CELSR1: variants seen among roughly 807,000 people sequenced by gnomAD.
CELSR1 encodes cadherin EGF LAG seven-pass G-type receptor 1.
In CELSR1, 110 loss-of-function variants were observed where a neutral mutation model predicts 249.1. That is an observed-to-expected ratio of 0.44 (90% CI 0.38 to 0.52). The LOEUF (loss-of-function observed/expected upper bound fraction) is 0.52. Ranked by LOEUF, CELSR1 falls within the 20% of genes least tolerant of loss-of-function variation. CELSR1 has a pLI of 0.00. For synonymous variants in CELSR1, 2,113 were observed against 1,900.0 expected (o/e 1.11, Z -2.92); for missense variants, 4,109 against 4,296.4 (o/e 0.96, Z 1.22).
In CELSR1 at chr22:46,490,266, GGA is replaced by G. The variant is rs1484258082; in HGVS notation, c.3545-25923_3545-25922del. ...AAAGAGGGATTCCCCAGGGTCACCT[GGA>G]GAGGTTTTATTTTTATTTTGTTTTA... On this transcript the variant is annotated intron_variant, in intron 1 of 34. Coordinates refer to ENST00000674500, the MANE Select transcript of CELSR1 (RefSeq NM_001378328.1). The surrounding 1 kb of genome is among the most constrained non-coding windows in gnomAD (Gnocchi z 5.2). Among the ~76,000 whole-genome samples, 1 of 152,104 alleles carries G rather than the reference GGA, an allele frequency of 6.6e-6. No homozygotes were observed. The highest frequency in any genetic ancestry group is 2.4e-5 in the African/African-American group (1 of 41,408).
At chr22:46,403,418 G>A (rs1488037952) in intron 9 of CELSR1, among the ~76,000 whole-genome samples, 11 of 150,978 alleles carry the variant, frequency 7.3e-5, no homozygotes, top group African/African-American at 2.0e-4. Flanking sequence ...ATAGCCAGGC[G>A]TGGTAGTGGG....
In CELSR1 at chr22:46,374,422, T is replaced by A. The variant is rs911306465; in HGVS notation, c.7585-1365A>T. On this transcript the variant is annotated intron_variant, in intron 24 of 34. Coordinates refer to ENST00000674500, the MANE Select transcript of CELSR1 (RefSeq NM_001378328.1). This position sits in a 1 kb window ranked among gnomAD's most constrained non-coding sequence, Gnocchi z 4.3. ...TAGAACAAAGACAAAAGCGGATGCA[T>A]AATAAATCATTTCAGCCTGCCAGCG... 9.2e-5 allele frequency among the ~76,000 whole-genome samples: 14 copies of A among 152,148 alleles called. No individual in the cohort carries two copies. Among genetic ancestry groups the A allele is most frequent in the Non-Finnish European group, 1.6e-4 (11 of 68,018 alleles).
At chr22:46,502,796 C>A (rs1436118489) in intron 1 of CELSR1, among the ~76,000 whole-genome samples, 1 of 152,146 alleles carries the variant, frequency 6.6e-6, no homozygotes, top group Admixed American at 6.5e-5. Context: ...TCTAACTGTT[C>A]CCCCTTAACA....
At chr22:46,523,701 C>T (rs575442457) in intron 1 of CELSR1, among the ~76,000 whole-genome samples, 28 of 152,274 alleles carry the variant, frequency 1.8e-4, no homozygotes, top group African/African-American at 2.4e-4. Context: ...TCAACAGGTG[C>T]GTCAGCCCCT....
In CELSR1 at chr22:46,396,510, C is replaced by A; in HGVS notation, c.5843+95G>T. 2 of 1,305,092 alleles carry A rather than the reference C, an allele frequency of 1.5e-6. No individual in the cohort carries two copies. The highest frequency in any genetic ancestry group is 2.0e-6 in the Non-Finnish European group (2 of 1,003,918). The allele number at this position is 1,305,092 out of a possible 1,614,324, so 80.8% of individuals were successfully genotyped here. A position where few individuals can be genotyped will look rare whatever the true frequency, so the allele number is the denominator to read the frequency against. ...CCCTGTTACCCAGAATCACACATAT[C>A]TTTGGGTCAAAATAAGAAAGAGAAG... On this transcript the variant is annotated intron_variant, in intron 13 of 34. Coordinates refer to ENST00000674500, the MANE Select transcript of CELSR1 (RefSeq NM_001378328.1). This position sits in a 1 kb window ranked among gnomAD's most constrained non-coding sequence, Gnocchi z 6.4.
Position 46,490,098 on chromosome 22 carries a change from C to T in CELSR1, c.3545-25753G>A, listed in dbSNP as rs1041578025. Among the ~76,000 whole-genome samples, 3 of 152,130 alleles carry T rather than the reference C, an allele frequency of 2.0e-5. No homozygotes were observed. The highest frequency in any genetic ancestry group is 2.9e-5 in the Non-Finnish European group (2 of 68,028). On this transcript the variant is annotated intron_variant, in intron 1 of 34. Coordinates refer to ENST00000674500, the MANE Select transcript of CELSR1 (RefSeq NM_001378328.1). The surrounding 1 kb of genome is among the most constrained non-coding windows in gnomAD (Gnocchi z 5.2). ...ACCCAGTGAGCCGCTTTCTGAGAAC[C>T]AACGTTCCCAAGTGCAAAGTGTACA...
At chr22:46,502,792 T>A (rs1210778284) in intron 1 of CELSR1, among the ~76,000 whole-genome samples, 3 of 152,286 alleles carry the variant, frequency 2.0e-5, no homozygotes, top group Middle Eastern at 3.4e-3. Flanking sequence ...TCTCTCTAAC[T>A]GTTCCCCCTT....
At position 46,439,293 on chromosome 22, in the gene CELSR1, C is replaced by T. The variant is rs138762199; in HGVS notation, c.4302G>A (p.Glu1434=). Residue 1434 remains glutamate, a synonymous_variant, in exon 3 of 35, where the codon GAG becomes GAA. Coordinates refer to ENST00000674500, the MANE Select transcript of CELSR1 (RefSeq NM_001378328.1). ...GGFHCVCPPG[E]YERPYCEVTT... The stretch of plus-strand genomic sequence containing the variant: ...TCACCTCACAGTAGGGCCTCTCATA[C>T]TCGCCAGGAGGACACACGCAGTGGA... The T allele has an allele frequency of 2.7e-5, 44 of 1,614,010 alleles. No homozygotes were observed. The highest frequency in any genetic ancestry group is 1.6e-4 in the East Asian group (7 of 44,882).
rs5768860 is a variant in CELSR1 at position 46,506,713 on chromosome 22, G to C, written c.3544+26914C>G. Among the ~76,000 whole-genome samples the C allele has an allele frequency of 0.76, 115,527 of 152,086 alleles. 44,488 individuals carry two copies. Among genetic ancestry groups the C allele is most frequent in the East Asian group, 0.98 (5,095 of 5,182 alleles). ...ACAGCCGCTGAGACAAGCCCAAATC[G>C]AGAGTTACGTTCTAATTTTAAGATC... On this transcript the variant is annotated intron_variant, in intron 1 of 34. Coordinates refer to ENST00000674500, the MANE Select transcript of CELSR1 (RefSeq NM_001378328.1). The surrounding 1 kb of genome is among the most constrained non-coding windows in gnomAD (Gnocchi z 4.1).
chr22:46,457,243 G>C (rs1164456998), intron 2 of CELSR1, among the ~76,000 whole-genome samples: 1 of 152,140 alleles, frequency 6.6e-6, no homozygotes, highest in Non-Finnish European at 1.5e-5. Context: ...TACTCGGGAG[G>C]CTGAGGCCGG....
chr22:46,478,110 A>G (rs2147650854), intron 1 of CELSR1, among the ~76,000 whole-genome samples: 1 of 151,980 alleles, frequency 6.6e-6, no homozygotes, highest in East Asian at 1.9e-4. Context: ...CCGGCCTGAG[A>G]CTCTCAGCAG....
At chr22:46,499,728 G>A (rs764709384) in intron 1 of CELSR1, among the ~76,000 whole-genome samples, 3 of 152,194 alleles carry the variant, frequency 2.0e-5, no homozygotes, top group South Asian at 2.1e-4. Context: ...AGCTTCCCGC[G>A]TGCTCCTGGT....
intron 2 of CELSR1, among the ~76,000 whole-genome samples, chr22:46,444,085 C>A (rs533638746): frequency 6.6e-6 from 1 of 152,328 alleles, no homozygotes; most frequent in South Asian, 2.1e-4. Flanking sequence ...CCAGGCTGGG[C>A]CCGGGGCTCA....
intron 14 of CELSR1, among the ~76,000 whole-genome samples, chr22:46,392,311 C>A (rs1055448924): frequency 6.6e-6 from 1 of 152,168 alleles, no homozygotes; most frequent in Non-Finnish European, 1.5e-5. Flanking sequence ...GTCACCGGGA[C>A]TCCCCAGGCC....
At position 46,436,293 on chromosome 22, in the gene CELSR1, T is replaced by A. The variant is rs755549276; in HGVS notation, c.4407-4A>T. On this transcript the variant is annotated splice_region_variant and splice_polypyrimidine_tract_variant and intron_variant, in intron 3 of 34. Transcript: ENST00000674500. The surrounding 1 kb of genome is among the most constrained non-coding windows in gnomAD (Gnocchi z 5.9). ...GTTCCTTTCCTGAGTGGCAAACCTG[T>A]GGGGCCAAGCAGAGGCACATCACAG... 1 of 1,612,242 alleles carries A rather than the reference T, an allele frequency of 6.2e-7. No individual in the cohort carries two copies. Among genetic ancestry groups the A allele is most frequent in the Admixed American group, 1.7e-5 (1 of 59,990 alleles).
chr22:46,479,331 C>T (rs2080242841), intron 1 of CELSR1, among the ~76,000 whole-genome samples: 1 of 152,096 alleles, frequency 6.6e-6, no homozygotes, highest in Non-Finnish European at 1.5e-5. Flanking sequence ...CAAGCCGCTC[C>T]TACCCCCGAG....
chr22:46,443,799 A>C (rs1165391921), intron 2 of CELSR1, among the ~76,000 whole-genome samples: 4 of 152,236 alleles, frequency 2.6e-5, no homozygotes, highest in Non-Finnish European at 5.9e-5. Context: ...TGGCCTTTGT[A>C]AATCCCGTGC....
rs776975951 is a variant in CELSR1, at chr22:46,535,335, C to A, written c.1836G>T (p.Leu612=). Residue 612 remains leucine, a synonymous_variant, in exon 1 of 35, where the codon CTG becomes CTT. Transcript: ENST00000674500. ...YRLVDTASTF[L]GGGSAGPKNP... Reference sequence around the variant, plus strand: ...TCTTAGGCCCAGCGCTGCCGCCCCCCAGAAAGGTGGAGGCCGTGTCCACCA... The same window carrying A: ...TCTTAGGCCCAGCGCTGCCGCCCCCAAGAAAGGTGGAGGCCGTGTCCACCA... 1 of 1,612,242 alleles carries A rather than the reference C, an allele frequency of 6.2e-7. No homozygotes were observed. The highest frequency in any genetic ancestry group is 1.3e-5 in the African/African-American group (1 of 74,944).
At chr22:46,476,784 A>G (rs4611750) in intron 1 of CELSR1, among the ~76,000 whole-genome samples, 99,811 of 151,754 alleles carry the variant, frequency 0.66, 33,512 homozygotes, top group East Asian at 0.85. Context: ...AAGAGGGACC[A>G]GAAGTGATTA....
Sources: allele counts gnomAD v4.1 joint callset (sites outside exome capture counted in the v4.1 genomes callset), GRCh38; gene constraint gnomAD v4.1.1; non-coding constraint Gnocchi (gnomAD v3.1); transcripts MANE v1.5; gene names NCBI Gene and HGNC (gene_info 2026-07-23, HGNC 2026-07-21).